TBCK: variants seen among roughly 807,000 people sequenced by gnomAD.
TBCK encodes TBC domain-containing protein kinase-like protein.
Under a neutral mutation model 113.4 loss-of-function variants are expected in TBCK, and 99 were observed. The observed-to-expected ratio is 0.87, with a 90% CI of 0.74 to 1.03. The LOEUF is 1.03. TBCK is among the 50% of genes least tolerant of loss of function. The pLI is 0.00. For missense variants in TBCK, 1,045 were observed against 1,061.3 expected, an observed-to-expected ratio of 0.98 and a Z score of 0.21; for synonymous variants, 369 against 370.8, an observed-to-expected ratio of 1.00 and a Z score of 0.05.
chr4:106,266,212 T>G (rs1762975379), intron 3 of TBCK, among the ~76,000 whole-genome samples: 1 of 147,986 alleles, frequency 6.8e-6, no homozygotes, highest in African/African-American at 2.4e-5. Flanking sequence ...AAACAAAGTC[T>G]TCCCCTTAAA....
At chr4:106,143,974 T>C (rs761887726) in intron 23 of TBCK, among the ~76,000 whole-genome samples, 1 of 150,496 alleles carries the variant, frequency 6.6e-6, no homozygotes, top group Non-Finnish European at 1.5e-5. Flanking sequence ...ACCTAACATA[T>C]GAAGAATCAC....
intron 20 of TBCK, among the ~76,000 whole-genome samples, chr4:106,195,492 T>TGTGTGTGTG (rs371211369): frequency 0.23 from 34,521 of 148,874 alleles, 4,566 homozygotes; most frequent in Admixed American, 0.31. Flanking sequence ...ATGTGTGTGT[T>TGTGTGTGTG]TGTGTGTGTG....
chr4:106,074,886 A>ATAAT (rs1488621931), intron 25 of TBCK, among the ~76,000 whole-genome samples: 1 of 152,208 alleles, frequency 6.6e-6, no homozygotes, highest in Non-Finnish European at 1.5e-5. Context: ...CCAACCTGAC[A>ATAAT]TAATTCTGGA....
rs766733748 is a variant in TBCK, at chr4:106,231,775, A to G, written c.1644T>C (p.Leu548=). Residue 548 remains leucine, a synonymous_variant, in exon 18 of 26, where the codon CTT becomes CTC. Coordinates refer to ENST00000394708, the MANE Select transcript of TBCK (RefSeq NM_001163435.3). ...ATAGGAATGGAGCACAAAGTGAGTC[A>G]AGACCTAACACAGAGGGGTTGGGAG... ...SHPDLVYWQG[L]DSLCAPFLYL... 6.2e-7 allele frequency: 1 copy of G among 1,610,016 alleles called. No homozygotes were observed.
chr4:106,280,785 A>G (rs1764511727), intron 3 of TBCK, among the ~76,000 whole-genome samples: 1 of 152,004 alleles, frequency 6.6e-6, no homozygotes, highest in Non-Finnish European at 1.5e-5. Flanking sequence ...TTCCATCAGC[A>G]TATGTGTCTA....
At chr4:106,152,290 T>C (rs1259332234) in intron 23 of TBCK, among the ~76,000 whole-genome samples, 1 of 152,040 alleles carries the variant, frequency 6.6e-6, no homozygotes, top group Non-Finnish European at 1.5e-5. Context: ...TTTTTAATCA[T>C]AAAAAGATGT....
intron 24 of TBCK, among the ~76,000 whole-genome samples, chr4:106,109,934 G>A (rs28844032): frequency 1.3e-5 from 2 of 152,184 alleles, no homozygotes; most frequent in African/African-American, 4.8e-5. Context: ...AAAGCATTTG[G>A]CTGAAGGCAG....
intron 25 of TBCK, among the ~76,000 whole-genome samples, chr4:106,061,143 G>A (rs143232079): frequency 6.6e-6 from 1 of 151,924 alleles, no homozygotes; most frequent in East Asian, 1.9e-4. Context: ...ATTTGATAAA[G>A]CAACAACAGG....
chr4:106,238,200 C>A (rs1759686835), intron 12 of TBCK, among the ~76,000 whole-genome samples: 1 of 152,032 alleles, frequency 6.6e-6, no homozygotes, highest in Non-Finnish European at 1.5e-5. Context: ...TTATTGTTCG[C>A]TGCAGGGTAT....
intron 21 of TBCK, among the ~76,000 whole-genome samples, chr4:106,194,098 C>T (rs1045228312): frequency 3.9e-5 from 6 of 151,944 alleles, no homozygotes; most frequent in African/African-American, 9.7e-5. Flanking sequence ...AGTAAAATAA[C>T]GTATCTATTA....
intron 22 of TBCK, among the ~76,000 whole-genome samples, chr4:106,185,587 A>AT (rs1415004824): frequency 6.6e-6 from 1 of 152,088 alleles, no homozygotes; most frequent in Non-Finnish European, 1.5e-5. Flanking sequence ...AAGAACTTAC[A>AT]TTTTTTAAAA....
intron 21 of TBCK, among the ~76,000 whole-genome samples, 165 bp from the exon 22 acceptor site, chr4:106,193,935 A>T (rs1476883250): frequency 6.6e-6 from 1 of 152,106 alleles, no homozygotes; most frequent in Non-Finnish European, 1.5e-5. Context: ...GGCTTTGAAA[A>T]TTTATAGCTT....
At chr4:106,261,050 G>A (rs1032167435) in intron 4 of TBCK, among the ~76,000 whole-genome samples, 4 of 151,944 alleles carry the variant, frequency 2.6e-5, no homozygotes, top group Non-Finnish European at 5.9e-5. Context: ...ACTATCATAA[G>A]TATAAGGCTC....
intron 3 of TBCK, among the ~76,000 whole-genome samples, chr4:106,285,407 T>C (rs951697394): frequency 2.0e-5 from 3 of 151,978 alleles, no homozygotes; most frequent in African/African-American, 7.2e-5. Flanking sequence ...ATTATTCCCA[T>C]AGTAGTAGCA....
chr4:106,154,185 A>G (rs1023241666), intron 23 of TBCK, among the ~76,000 whole-genome samples: 1 of 151,346 alleles, frequency 6.6e-6, no homozygotes, highest in Non-Finnish European at 1.5e-5. Context: ...TTCTATTGTG[A>G]TATGATTTAA....
chr4:106,257,773 T>G (rs544330358), intron 5 of TBCK, among the ~76,000 whole-genome samples: 2 of 152,232 alleles, frequency 1.3e-5, no homozygotes, highest in South Asian at 2.1e-4. Context: ...ATATTCTATA[T>G]GTGATTTGGG....
chr4:106,046,632 C>G lies in TBCK; in HGVS notation c.2620G>C (p.Asp874His). ...KMKYPRICIL[D>H]GGINKIKPTG... ...GGCTTTATTTTATTAATGCCACCATCTAGAATACAGATTCTTGGATATTTC... is the reference window on the plus strand; with the variant it reads ...GGCTTTATTTTATTAATGCCACCATGTAGAATACAGATTCTTGGATATTTC... Residue 874 changes from aspartate (D) to histidine (H), a missense_variant, in exon 26 of 26, where the codon GAT (aspartate) becomes CAT (histidine). Coordinates refer to ENST00000394708, the MANE Select transcript of TBCK (RefSeq NM_001163435.3). 1.2e-6 allele frequency: 2 copies of G among 1,612,760 alleles called. No individual in the cohort carries two copies. The highest frequency in any genetic ancestry group is 1.7e-6 in the Non-Finnish European group (2 of 1,179,140).
At chr4:106,171,357 T>A (rs1560757025) in intron 22 of TBCK, 87 bp from the exon 23 acceptor site, 5 of 952,354 alleles carry the variant, frequency 5.3e-6, no homozygotes, top group Non-Finnish European at 7.9e-6. Context: ...TAAGTGAATA[T>A]ATCTAAATAT....
At chr4:106,164,115 T>A (rs1750101889) in intron 23 of TBCK, among the ~76,000 whole-genome samples, 1 of 152,120 alleles carries the variant, frequency 6.6e-6, no homozygotes, top group African/African-American at 2.4e-5. Context: ...TGATACATTT[T>A]ACCCCTACAT....
Sources: gnomAD v4.1 joint callset for allele counts (sites outside exome capture counted in the v4.1 genomes callset) on GRCh38, gnomAD v4.1.1 for gene constraint, MANE v1.5 for transcripts, NCBI Gene and HGNC (gene_info 2026-07-23, HGNC 2026-07-21) for gene names.